ASIC2: variants seen among roughly 807,000 people sequenced by gnomAD.
ASIC2 encodes the protein acid-sensing ion channel 2.
In ASIC2, 25 loss-of-function variants were observed where a neutral mutation model predicts 57.3. The ratio of observed to expected loss-of-function variants is 0.44; its 90% CI spans 0.32 to 0.61. The LOEUF (loss-of-function observed/expected upper bound fraction) is 0.61, where lower values mean the gene tolerates loss of function less well. ASIC2 is among the 20% of genes least tolerant of loss of function. ASIC2 has a pLI of 0.06. For synonymous variants in ASIC2, 319 were observed against 307.5 expected, an observed-to-expected ratio of 1.04 and a Z score of -0.39; for missense variants, 641 against 738.1, an observed-to-expected ratio of 0.87 and a Z score of 1.52.
chr17:34,021,827 G>GT (rs1567790840), intron 1 of ASIC2, among the ~76,000 whole-genome samples: 8 of 127,318 alleles, frequency 6.3e-5, no homozygotes, highest in African/African-American at 3.0e-4. Flanking sequence ...TTGGTTTTGT[G>GT]TTTTGTTTTG....
intron 1 of ASIC2, among the ~76,000 whole-genome samples, chr17:33,549,261 C>A (rs1334507896): frequency 1.3e-5 from 2 of 152,070 alleles, no homozygotes; most frequent in African/African-American, 2.4e-5. Context: ...TGCAGAGAAC[C>A]AAAAGAGACA....
At chr17:33,219,242 G>A (rs1279328215) in intron 1 of ASIC2, among the ~76,000 whole-genome samples, 1 of 152,184 alleles carries the variant, frequency 6.6e-6, no homozygotes, top group Non-Finnish European at 1.5e-5. Context: ...CTAGCTACTA[G>A]TGCCCAGAGA....
intron 1 of ASIC2, among the ~76,000 whole-genome samples, chr17:33,621,736 C>A (rs547292459): frequency 7.2e-5 from 11 of 152,296 alleles, no homozygotes; most frequent in African/African-American, 2.6e-4. Context: ...GCCTCTGTCA[C>A]CAAAATGCTA....
chr17:33,071,611 ACAT>A (rs1567734268), intron 3 of ASIC2, among the ~76,000 whole-genome samples: 1 of 152,228 alleles, frequency 6.6e-6, no homozygotes, highest in Admixed American at 6.5e-5. Context: ...TGGATGCCAG[ACAT>A]CATGATTGGA....
chr17:33,426,444 G>T (rs9913341), intron 1 of ASIC2, among the ~76,000 whole-genome samples: 111,410 of 152,182 alleles, frequency 0.73, 41,372 homozygotes, highest in Middle Eastern at 0.79. Flanking sequence ...GCAAACTCTT[G>T]ACCACCACAA....
chr17:33,820,720 T>C (rs1567724935), intron 1 of ASIC2, among the ~76,000 whole-genome samples: 1 of 152,220 alleles, frequency 6.6e-6, no homozygotes, highest in Non-Finnish European at 1.5e-5. Context: ...ATTAAGATTT[T>C]TTAAAGATAC....
chr17:33,634,775 A>G (rs7208761), intron 1 of ASIC2: 111,660 of 148,666 alleles, frequency 0.75, 42,459 homozygotes, highest in African/African-American at 0.87. Context: ...GGATGGTCTC[A>G]ATCTCCTGAC....
At chr17:33,046,640 A>C (rs1405542861) in intron 3 of ASIC2, among the ~76,000 whole-genome samples, 1 of 152,178 alleles carries the variant, frequency 6.6e-6, no homozygotes, top group Non-Finnish European at 1.5e-5. Context: ...CCATAGCCTC[A>C]GAACAGATTT....
intron 1 of ASIC2, among the ~76,000 whole-genome samples, chr17:33,338,524 A>G (rs1907609932): frequency 6.6e-6 from 1 of 152,212 alleles, no homozygotes; most frequent in South Asian, 2.1e-4. Flanking sequence ...TGCAAATCAC[A>G]GAGGGAAAAA....
At chr17:33,860,657 C>G (rs944043508) in intron 1 of ASIC2, among the ~76,000 whole-genome samples, 6 of 152,186 alleles carry the variant, frequency 3.9e-5, no homozygotes, top group Admixed American at 6.5e-5. Flanking sequence ...GTAGCTGAGC[C>G]TTCCAGGACT....
chr17:33,525,242 C>A (rs1359677648), intron 1 of ASIC2, among the ~76,000 whole-genome samples: 1 of 152,174 alleles, frequency 6.6e-6, no homozygotes, highest in Non-Finnish European at 1.5e-5. Context: ...GCATTCCCTG[C>A]CACCAGGTCT....
At chr17:33,163,705 C>A (rs979278447) in intron 1 of ASIC2, among the ~76,000 whole-genome samples, 1 of 152,008 alleles carries the variant, frequency 6.6e-6, no homozygotes, top group South Asian at 2.1e-4. Flanking sequence ...CACATCCTAG[C>A]GAGGTAGACA....
At chr17:33,776,762 T>C (rs1164775465) in intron 1 of ASIC2, among the ~76,000 whole-genome samples, 1 of 152,212 alleles carries the variant, frequency 6.6e-6, no homozygotes, top group Non-Finnish European at 1.5e-5. Flanking sequence ...TCTGTGACTT[T>C]AGGCAGAGCA....
chr17:33,714,854 G>C (rs1296094063), intron 1 of ASIC2, among the ~76,000 whole-genome samples: 1 of 141,130 alleles, frequency 7.1e-6, no homozygotes, highest in Non-Finnish European at 1.5e-5. Context: ...TCACTCTGTA[G>C]CTCAGGTTGG....
chr17:33,660,799 A>G (rs1289522900), intron 1 of ASIC2, among the ~76,000 whole-genome samples: 2 of 152,188 alleles, frequency 1.3e-5, no homozygotes, highest in African/African-American at 2.4e-5. Flanking sequence ...GCGGTCCATC[A>G]TGGACTGAAA....
intron 1 of ASIC2, among the ~76,000 whole-genome samples, chr17:34,111,278 A>G (rs930483332): frequency 3.4e-5 from 5 of 148,156 alleles, no homozygotes; most frequent in Non-Finnish European, 5.9e-5. Flanking sequence ...TATATACAAC[A>G]TATTATATAA....
Position 33,110,433 on chromosome 17 carries a change from A to G in ASIC2, c.859+1484T>C, listed in dbSNP as rs552980887. On this transcript the variant is annotated intron_variant, in intron 2 of 9. Transcript: ENST00000225823. Reference sequence around the variant, plus strand: ...CATCTGGAAGGGCATTGAGTTGAGAAAAGTACACAGGATCAACAAAGTGTC... The same window carrying G: ...CATCTGGAAGGGCATTGAGTTGAGAGAAGTACACAGGATCAACAAAGTGTC... 5.9e-5 allele frequency among the ~76,000 whole-genome samples: 9 copies of G among 152,334 alleles called. 1 individual carries two copies. The South Asian group carries it at 1.9e-3, about 32-fold the overall frequency.
At chr17:33,906,730 C>T (rs147667012) in intron 1 of ASIC2, among the ~76,000 whole-genome samples, 1 of 152,238 alleles carries the variant, frequency 6.6e-6, no homozygotes, top group Non-Finnish European at 1.5e-5. Flanking sequence ...CTACATTTCT[C>T]TAGGTCTTTG....
intron 1 of ASIC2, among the ~76,000 whole-genome samples, chr17:33,462,447 A>C (rs894490392): frequency 6.6e-6 from 1 of 152,138 alleles, no homozygotes; most frequent in Non-Finnish European, 1.5e-5. Context: ...GACTCTGACT[A>C]TGTGGATAAT....
Sources: gnomAD v4.1 joint callset for allele counts (sites outside exome capture counted in the v4.1 genomes callset) on GRCh38, gnomAD v4.1.1 for gene constraint, MANE v1.5 for transcripts, NCBI Gene and HGNC (gene_info 2026-07-23, HGNC 2026-07-21) for gene names.